Variants in RBBP8 observed in about 807,000 individuals in gnomAD.
RBBP8 encodes DNA endonuclease RBBP8.
RBBP8 carries 88 observed loss-of-function variants against 108.3 expected under a neutral mutation model. The ratio of observed to expected loss-of-function variants is 0.81; its 90% CI spans 0.68 to 0.97. RBBP8 has a LOEUF of 0.97. RBBP8 is among the 50% of genes least tolerant of loss of function. The pLI, the probability that RBBP8 is intolerant of heterozygous loss-of-function variation, is 0.00. For synonymous variants in RBBP8, 332 were observed against 348.2 expected, an observed-to-expected ratio of 0.95 and a Z score of 0.52; for missense variants, 1,023 against 1,049.0, an observed-to-expected ratio of 0.98 and a Z score of 0.34.
intron 4 of RBBP8, among the ~76,000 whole-genome samples, chr18:22,952,146 G>C (rs117263731): frequency 1.3e-5 from 2 of 152,154 alleles, no homozygotes; most frequent in Non-Finnish European, 2.9e-5. Context: ...ACTAGATTTC[G>C]TAGGGACATA....
rs372240272 is a variant in RBBP8, at chr18:22,993,808, T to A, written c.1900T>A (p.Cys634Ser). Reference sequence around the variant, plus strand: ...TGCATCAGTTCTTCAGTTAAATCCATGTAGAACTGGTAAAATAAAGTCTCT... The same window carrying A: ...TGCATCAGTTCTTCAGTTAAATCCAAGTAGAACTGGTAAAATAAAGTCTCT... ...ELASVLQLNP[C>S]RTGKIKSLQN... Residue 634 changes from cysteine to serine, a missense_variant, in exon 12 of 19, where the codon TGT becomes AGT. Physicochemically the swap from Cys to Ser is moderately radical, Grantham distance 112 (BLOSUM62 -1). Coordinates refer to ENST00000327155, the MANE Select transcript of RBBP8 (RefSeq NM_002894.3). The A allele has an allele frequency of 3.1e-6, 5 of 1,613,716 alleles. No homozygotes were observed. Among genetic ancestry groups the A allele is most frequent in the Non-Finnish European group, 4.2e-6 (5 of 1,179,680 alleles).
At chr18:23,007,592 T>C (rs1203045784) in intron 16 of RBBP8, among the ~76,000 whole-genome samples, 1 of 149,202 alleles carries the variant, frequency 6.7e-6, no homozygotes, top group East Asian at 2.1e-4. Context: ...TAGTCACCGC[T>C]ACTCAGGAGG....
At chr18:23,020,395 T>C (rs139457731) in intron 17 of RBBP8, among the ~76,000 whole-genome samples, 5,185 of 152,070 alleles carry the variant, frequency 0.034, 150 homozygotes, top group East Asian at 0.083. Context: ...CACTCCAGCC[T>C]GGGTGACAAG....
intron 15 of RBBP8, among the ~76,000 whole-genome samples, chr18:23,005,202 A>G (rs1288802016): frequency 6.6e-6 from 1 of 151,868 alleles, no homozygotes; most frequent in Admixed American, 6.6e-5. Flanking sequence ...TAGAAGGAAT[A>G]AATTGTAGTG....
chr18:23,022,101 G>A, intron 17 of RBBP8, 28 bp from the exon 18 acceptor site: 1 of 1,541,118 alleles, frequency 6.5e-7, no homozygotes, highest in Non-Finnish European at 9.0e-7. Flanking sequence ...ATTCTTTAGT[G>A]AAAAAACTTA....
chr18:22,994,686 A>AC (rs2045823055), intron 12 of RBBP8, among the ~76,000 whole-genome samples: 2 of 151,218 alleles, frequency 1.3e-5, no homozygotes, highest in Admixed American at 1.3e-4. Context: ...GCCTTAAGAT[A>AC]TATAGGCATC....
upstream of RBBP8, among the ~76,000 whole-genome samples, chr18:22,928,788 G>A (rs1909889110): frequency 6.6e-6 from 1 of 151,708 alleles, no homozygotes; most frequent in Admixed American, 6.6e-5. Flanking sequence ...ACCTCCCTCA[G>A]CCTCCCGAGT....
intron 7 of RBBP8, 52 bp downstream of exon 7, chr18:22,982,445 TCTA>T: frequency 6.2e-7 from 1 of 1,609,404 alleles, no homozygotes; most frequent in Non-Finnish European, 8.5e-7. Context: ...CCAGTGTTCA[TCTA>T]CTAGTTTTTA....
At chr18:22,978,504 T>G (rs1914650342) in intron 6 of RBBP8, among the ~76,000 whole-genome samples, 1 of 151,278 alleles carries the variant, frequency 6.6e-6, no homozygotes, top group African/African-American at 2.5e-5. Context: ...AGAGCTAGTT[T>G]TGTTTGTTTT....
chr18:22,969,492 A>G (rs1426587493), intron 5 of RBBP8, among the ~76,000 whole-genome samples: 1 of 152,114 alleles, frequency 6.6e-6, no homozygotes, highest in African/African-American at 2.4e-5. Context: ...GCAACTCACA[A>G]TCAATATATT....
intron 2 of RBBP8, among the ~76,000 whole-genome samples, chr18:22,942,014 A>T (rs1567948749): frequency 6.6e-6 from 1 of 152,140 alleles, no homozygotes; most frequent in Admixed American, 6.5e-5. Context: ...TCCATATAAA[A>T]TTAGAGTCTC....
At chr18:22,942,459 T>A (rs1254016520) in intron 2 of RBBP8, among the ~76,000 whole-genome samples, 1 of 152,060 alleles carries the variant, frequency 6.6e-6, no homozygotes, top group East Asian at 1.9e-4. Context: ...ATAGACAAAA[T>A]GCTCTAATTT....
At chr18:22,975,112 A>G (rs377657059) in intron 5 of RBBP8, 41 bp from the exon 6 acceptor site, 10 of 1,561,278 alleles carry the variant, frequency 6.4e-6, no homozygotes, top group Non-Finnish European at 8.7e-6. Flanking sequence ...AGATGTTAAT[A>G]TAAATATATT....
chr18:23,007,779 C>G (rs116589750), intron 16 of RBBP8, among the ~76,000 whole-genome samples: 2,428 of 147,956 alleles, frequency 0.016, 75 homozygotes, highest in African/African-American at 0.057. Flanking sequence ...ATTTTTGAAT[C>G]TTTAAAAACA....
At chr18:22,996,289 T>C in intron 12 of RBBP8, 85 bp from the exon 13 acceptor site, 1 of 1,558,174 alleles carries the variant, frequency 6.4e-7, no homozygotes, top group Non-Finnish European at 8.7e-7. Flanking sequence ...AAAAATTTTC[T>C]ATTCTTTAGG....
chr18:22,958,551 G>A (rs1361345762), intron 4 of RBBP8, among the ~76,000 whole-genome samples: 1 of 150,168 alleles, frequency 6.7e-6, no homozygotes, highest in Non-Finnish European at 1.5e-5. Flanking sequence ...TTTTTTTGTT[G>A]TAGGTTTTGT....
chr18:22,953,665 G>C (rs1912232778), intron 4 of RBBP8, among the ~76,000 whole-genome samples: 1 of 151,988 alleles, frequency 6.6e-6, no homozygotes, highest in Non-Finnish European at 1.5e-5. Flanking sequence ...GGCCGTTTCA[G>C]AGAAGAAATC....
intron 13 of RBBP8, 89 bp downstream of exon 13, chr18:22,996,551 T>G (rs956467891): frequency 1.3e-6 from 2 of 1,554,504 alleles, no homozygotes; most frequent in African/African-American, 2.7e-5. Flanking sequence ...TGTATCACCT[T>G]AAGATAATCA....
At chr18:23,018,630 T>C (rs2046301023) in intron 17 of RBBP8, among the ~76,000 whole-genome samples, 1 of 152,240 alleles carries the variant, frequency 6.6e-6, no homozygotes. Flanking sequence ...ATGTAAATGC[T>C]TTGTAAATAG....
Sources: allele counts gnomAD v4.1 joint callset (sites outside exome capture counted in the v4.1 genomes callset), GRCh38; gene constraint gnomAD v4.1.1; transcripts MANE v1.5; gene names NCBI Gene and HGNC (gene_info 2026-07-23, HGNC 2026-07-21).